Variants in KCTD1 observed in about 807,000 individuals in gnomAD.
KCTD1 encodes potassium channel tetramerization domain containing 1, also known as BTB/POZ domain-containing protein KCTD1.
Under a neutral mutation model 66.0 loss-of-function variants are expected in KCTD1, and 24 were observed. The observed-to-expected ratio is 0.36, with a 90% CI of 0.26 to 0.51. The LOEUF is 0.51. KCTD1 is among the 20% of genes least tolerant of loss of function. The pLI, the probability that KCTD1 is intolerant of heterozygous loss-of-function variation, is 0.95. For synonymous variants in KCTD1, 511 were observed against 517.2 expected, an observed-to-expected ratio of 0.99 and a Z score of 0.16; for missense variants, 943 against 1,205.2, an observed-to-expected ratio of 0.78 and a Z score of 3.22.
At chr18:26,467,329 G>C (rs906834758) in intron 3 of KCTD1, among the ~76,000 whole-genome samples, 4 of 152,028 alleles carry the variant, frequency 2.6e-5, no homozygotes, top group Non-Finnish European at 5.9e-5. Flanking sequence ...ATCAACCTGT[G>C]GCGGCTCAGT....
chr18:26,623,677 A>G (rs1987438226), intron 1 of KCTD1, among the ~76,000 whole-genome samples: 1 of 152,244 alleles, frequency 6.6e-6, no homozygotes, highest in Non-Finnish European at 1.5e-5. Flanking sequence ...ACAATTCTTT[A>G]TAGCAGCATA....
chr18:26,640,157 T>G (rs959419877), intron 1 of KCTD1, among the ~76,000 whole-genome samples: 1 of 151,602 alleles, frequency 6.6e-6, no homozygotes, highest in Non-Finnish European at 1.5e-5. Flanking sequence ...AGAATGAGAG[T>G]GTGGCTGCAG....
At position 26,547,461 on chromosome 18, in the gene KCTD1, G is replaced by A. The variant is rs1985303338; in HGVS notation, c.1076C>T (p.Ser359Leu). Residue 359 changes from serine to leucine, a missense_variant, in exon 1 of 5, where the codon TCG becomes TTG. Ser to Leu is a moderately radical substitution (Grantham distance 145). Around this residue, in one of 10 missense-constraint regions of KCTD1, gnomAD observed 66 missense variants for 61.6 expected, o/e 1.07. Transcript: ENST00000580059. ...GGCGCGCTTCTTGCTCCACGACGAC[G>A]AGCGCGACTTGTGGTAGGGCCCGAG... ...KSLGPYHKSRSSSWSKKRAES... is the reference protein window; with the variant it reads ...KSLGPYHKSRLSSWSKKRAES... The A allele has an allele frequency of 3.9e-6, 6 of 1,551,464 alleles. No individual in the cohort carries two copies. The East Asian group carries it at 1.2e-4, about 32-fold the overall frequency.
intron 1 of KCTD1, among the ~76,000 whole-genome samples, chr18:26,508,118 C>T (rs1460813851): frequency 6.6e-6 from 1 of 152,130 alleles, no homozygotes; most frequent in Non-Finnish European, 1.5e-5. Flanking sequence ...TGATAGAATT[C>T]ACCAAATCTG....
intron 1 of KCTD1, among the ~76,000 whole-genome samples, chr18:26,514,389 A>G (rs1983525530): frequency 6.6e-6 from 1 of 151,896 alleles, no homozygotes; most frequent in African/African-American, 2.4e-5. Context: ...CCTGTCTCTA[A>G]AAAGATTAAA....
intron 3 of KCTD1, 38 bp from the exon 4 acceptor site, chr18:26,459,963 A>AACAT (rs1405164370): frequency 6.9e-7 from 1 of 1,448,354 alleles, no homozygotes; most frequent in Non-Finnish European, 9.3e-7. Flanking sequence ...GCAAACTGCA[A>AACAT]ACATAAAGTA....
chr18:26,504,758 G>T (rs1367902845), intron 1 of KCTD1, among the ~76,000 whole-genome samples: 1 of 152,228 alleles, frequency 6.6e-6, no homozygotes, highest in African/African-American at 2.4e-5. Flanking sequence ...AGACACTGAA[G>T]TTGATGCTCA....
intron 1 of KCTD1, among the ~76,000 whole-genome samples, chr18:26,645,414 T>C (rs1055960507): frequency 6.6e-6 from 1 of 152,076 alleles, no homozygotes; most frequent in African/African-American, 2.4e-5. Context: ...CTTTTATGTT[T>C]CTCTTTGAGA....
chr18:26,633,101 A>G (rs1412406870), upstream of KCTD1, among the ~76,000 whole-genome samples: 1 of 152,188 alleles, frequency 6.6e-6, no homozygotes, highest in Non-Finnish European at 1.5e-5. Flanking sequence ...GCTGTTATGA[A>G]GTAAATATGG....
At chr18:26,563,620 A>G (rs1985913083) in intron 1 of KCTD1, among the ~76,000 whole-genome samples, 1 of 152,210 alleles carries the variant, frequency 6.6e-6, no homozygotes, top group Admixed American at 6.5e-5. Flanking sequence ...AGAATGTAGT[A>G]TAGTGGCGAG....
chr18:26,649,373 A>G (rs534260460), intron 1 of KCTD1, among the ~76,000 whole-genome samples: 38 of 152,200 alleles, frequency 2.5e-4, no homozygotes, highest in Non-Finnish European at 5.1e-4. Context: ...ATTGCACCAG[A>G]TAACAAGGTC....
In KCTD1 at chr18:26,519,945, A is replaced by C. The variant is rs1983834112; in HGVS notation, c.1810-18695T>G. On this transcript the variant is annotated intron_variant, in intron 1 of 4. Coordinates refer to ENST00000580059, the MANE Select transcript of KCTD1 (RefSeq NM_001142730.3). ...GAAAGCGTCAAAATCAATTCGGTTCAGTCTTAATGAGACAGCTCTAGCGAG... is the reference window on the plus strand; with the variant it reads ...GAAAGCGTCAAAATCAATTCGGTTCCGTCTTAATGAGACAGCTCTAGCGAG... Among the ~76,000 whole-genome samples, 3 of 152,336 alleles carry C rather than the reference A, an allele frequency of 2.0e-5. No individual in the cohort carries two copies. In the South Asian group the frequency reaches 6.2e-4, roughly 32 times the overall value.
At chr18:26,523,175 G>A (rs1212216971) in intron 1 of KCTD1, among the ~76,000 whole-genome samples, 1 of 152,118 alleles carries the variant, frequency 6.6e-6, no homozygotes, top group Non-Finnish European at 1.5e-5. Flanking sequence ...GACGATTAAC[G>A]ATCAAGTAGA....
At chr18:26,514,561 A>AG (rs956211093) in intron 1 of KCTD1, among the ~76,000 whole-genome samples, 74 of 150,528 alleles carry the variant, frequency 4.9e-4, no homozygotes, top group Non-Finnish European at 3.9e-4. Context: ...AAAAAAAAAA[A>AG]AAAAAAAAAA....
intron 1 of KCTD1, among the ~76,000 whole-genome samples, chr18:26,529,016 C>A (rs1598920151): frequency 1.3e-5 from 2 of 152,192 alleles, no homozygotes; most frequent in Non-Finnish European, 2.9e-5. Context: ...CCAGCCCACA[C>A]CTTTGCCAAA....
chr18:26,550,096 G>A (rs1985495404), upstream of KCTD1, among the ~76,000 whole-genome samples: 1 of 152,168 alleles, frequency 6.6e-6, no homozygotes, highest in Non-Finnish European at 1.5e-5. This position sits in a 1 kb window ranked among gnomAD's most constrained non-coding sequence, Gnocchi z 5.4. Context: ...AGTCCCTGGG[G>A]TGAGGGGACA....
intron 1 of KCTD1, among the ~76,000 whole-genome samples, chr18:26,595,006 T>C (rs966517584): frequency 1.3e-5 from 2 of 151,954 alleles, no homozygotes; most frequent in Middle Eastern, 3.4e-3. Context: ...CCCCTCTCCC[T>C]CTCCCACTTT....
At chr18:26,506,541 C>T (rs942557979) in intron 1 of KCTD1, among the ~76,000 whole-genome samples, 3 of 152,158 alleles carry the variant, frequency 2.0e-5, no homozygotes, top group African/African-American at 7.2e-5. Context: ...AATATAGCGT[C>T]GCAACCACTT....
intron 1 of KCTD1, among the ~76,000 whole-genome samples, chr18:26,601,382 C>T (rs1243048017): frequency 2.2e-5 from 3 of 136,196 alleles, no homozygotes; most frequent in Non-Finnish European, 3.1e-5. Context: ...AATGTAAAGG[C>T]ATACTTCTGG....
Sources: gnomAD v4.1 joint callset for allele counts (sites outside exome capture counted in the v4.1 genomes callset) on GRCh38, gnomAD v4.1.1 for gene constraint, gnomAD v4.1.1 regional missense constraint, Gnocchi (gnomAD v3.1) non-coding constraint, MANE v1.5 for transcripts, NCBI Gene and HGNC (gene_info 2026-07-23, HGNC 2026-07-21) for gene names.